The following TERT variants were observed in gnomAD, a reference collection of about 807,000 sequenced individuals.
The protein encoded by TERT is telomerase reverse transcriptase.
In TERT, 42 loss-of-function variants were observed where a neutral mutation model predicts 104.0. The observed-to-expected ratio is 0.40, with a 90% CI of 0.32 to 0.52. The LOEUF (loss-of-function observed/expected upper bound fraction) is 0.52. Among genes scored for constraint, TERT ranks in the 20% least tolerant of loss-of-function variants. TERT has a pLI of 0.43. For missense variants in TERT, 1,101 were observed against 1,610.3 expected, an observed-to-expected ratio of 0.68 and a Z score of 5.41; for synonymous variants, 781 against 725.6, an observed-to-expected ratio of 1.08 and a Z score of -1.23.
intron 2 of TERT, among the ~76,000 whole-genome samples, chr5:1,289,138 A>G (rs1750680305): frequency 6.6e-6 from 1 of 151,564 alleles, no homozygotes. Flanking sequence ...CGCCTCACTC[A>G]CCCTGCACCT....
rs2126562162 is a variant in TERT at position 1,255,265 on chromosome 5, G to A, written c.3157+22C>T. The A allele has an allele frequency of 6.2e-7, 1 of 1,612,262 alleles. No homozygotes were observed. Among genetic ancestry groups the A allele is most frequent in the Non-Finnish European group, 8.5e-7 (1 of 1,179,268 alleles). ...CCAGCAGGCAGGCACTGCTGCCACT[G>A]AGGCCAGGCACCTGCACATACCTGC... is the stretch of plus-strand genomic sequence containing the variant. On this transcript the variant is annotated intron_variant, in intron 14 of 15. Transcript: ENST00000310581. This position sits in a 1 kb window ranked among gnomAD's most constrained non-coding sequence, Gnocchi z 6.9.
At chr5:1,260,002 C>T (rs531034046) in intron 12 of TERT, among the ~76,000 whole-genome samples, 43 of 152,210 alleles carry the variant, frequency 2.8e-4, no homozygotes, top group African/African-American at 2.4e-4. Context: ...GGAGTGGACG[C>T]GGATGCCCAG....
intron 12 of TERT, among the ~76,000 whole-genome samples, chr5:1,259,020 C>T (rs1317796979): frequency 1.5e-5 from 2 of 135,478 alleles, no homozygotes; most frequent in African/African-American, 5.7e-5. Context: ...TAAATGCCCA[C>T]AGGAGAGGGG....
intron 2 of TERT, among the ~76,000 whole-genome samples, chr5:1,284,973 C>A (rs1194532211): frequency 6.8e-6 from 1 of 147,446 alleles, no homozygotes; most frequent in Non-Finnish European, 1.5e-5. Flanking sequence ...ATCCAGACAC[C>A]ACACATCCAG....
At chr5:1,278,383 G>A (rs932643571) in intron 6 of TERT, among the ~76,000 whole-genome samples, 3 of 151,778 alleles carry the variant, frequency 2.0e-5, no homozygotes, top group African/African-American at 2.4e-5. Context: ...GAACATGCAC[G>A]TGTCACAGAC....
chr5:1,259,527 G>A (rs1216870972), intron 12 of TERT, among the ~76,000 whole-genome samples: 8 of 125,792 alleles, frequency 6.4e-5, no homozygotes, highest in Admixed American at 5.6e-4. Flanking sequence ...GCCCACAGGA[G>A]AGAGGGAGCA....
chr5:1,259,503 G>A (rs1190854932), intron 12 of TERT, among the ~76,000 whole-genome samples: 3 of 127,580 alleles, frequency 2.4e-5, no homozygotes, highest in Non-Finnish European at 4.9e-5. Flanking sequence ...CAGGAGGGGG[G>A]AGTGGACACG....
intron 3 of TERT, among the ~76,000 whole-genome samples, chr5:1,282,214 C>A (rs916393761): frequency 6.6e-6 from 1 of 152,216 alleles, no homozygotes; most frequent in Non-Finnish European, 1.5e-5. Flanking sequence ...CCACTTGGCA[C>A]AAACTCCTGA....
At chr5:1,267,952 G>A (rs560270448) in intron 9 of TERT, among the ~76,000 whole-genome samples, 7 of 152,134 alleles carry the variant, frequency 4.6e-5, no homozygotes, top group South Asian at 4.2e-4. Context: ...CCTGCACGTC[G>A]TGCACATGTA....
chr5:1,262,816 A>T lies in TERT; in HGVS notation c.2843+1588T>A, dbSNP rs549236403. Among the ~76,000 whole-genome samples the T allele has an allele frequency of 6.6e-6, 1 of 152,362 alleles. No individual in the cohort carries two copies. The highest frequency in any genetic ancestry group is 2.1e-4 in the South Asian group (1 of 4,832). The stretch of plus-strand genomic sequence containing the variant: ...GAACCAGGGGTGCCTGTCCTAAAAA[A>T]TACATTTCATGGGGAGCAAAATAAG... On this transcript the variant is annotated intron_variant, in intron 11 of 15. Transcript: ENST00000310581. This position sits in a 1 kb window ranked among gnomAD's most constrained non-coding sequence, Gnocchi z 5.6.
At position 1,293,962 on chromosome 5, in the gene TERT, TG is replaced by T; in HGVS notation, c.923del (p.Pro308HisfsTer43). The T allele has an allele frequency of 6.4e-7, 1 of 1,555,094 alleles. No individual in the cohort carries two copies. The highest frequency in any genetic ancestry group is 8.7e-7 in the Non-Finnish European group (1 of 1,153,254). Reference sequence around the variant, plus strand: ...AGGGACGTGGTGGCCGCGATGTGGATGGGGGGCCCGCGTGGTGCTGGCGGCC... The same window carrying T: ...AGGGACGTGGTGGCCGCGATGTGGATGGGGGCCCGCGTGGTGCTGGCGGCC... ...SVGRQHHAGP[P>X]STSRPPRPWD... On this transcript the variant is annotated frameshift_variant, in exon 2 of 16. Transcript: ENST00000310581. LOFTEE classifies it high-confidence loss of function.
chr5:1,275,428 C>T (rs1426895412), intron 6 of TERT, among the ~76,000 whole-genome samples: 2 of 151,656 alleles, frequency 1.3e-5, no homozygotes. Context: ...CTCCAACTCG[C>T]AGGGGAATTC....
In TERT at chr5:1,292,120, TAAAAAGAA is replaced by T. The variant is rs923554244; in HGVS notation, c.1573+1185_1573+1192del. ...TCATGTTATATGACTTTTGCCACCA[TAAAAAGAA>T]AAAAAGAAAAAAAAGAGCCCCAAGA... On this transcript the variant is annotated intron_variant, in intron 2 of 15. Transcript: ENST00000310581. This position sits in a 1 kb window ranked among gnomAD's most constrained non-coding sequence, Gnocchi z 5.5. 7.9e-5 allele frequency among the ~76,000 whole-genome samples: 12 copies of T among 151,486 alleles called. No individual in the cohort carries two copies. The South Asian group carries it at 1.5e-3, about 19-fold the overall frequency.
chr5:1,253,960 T>G, intron 15 of TERT, 129 bp from the exon 16 acceptor site: 1 of 1,017,386 alleles, frequency 9.8e-7, no homozygotes, highest in Non-Finnish European at 1.5e-6. Flanking sequence ...GGAACCTCAG[T>G]GAAGGGACAG....
rs11291391 is a variant in TERT at position 1,287,497 on chromosome 5, CAA to C, written c.1574-4875_1574-4874del. On this transcript the variant is annotated intron_variant, in intron 2 of 15. Coordinates refer to ENST00000310581, the MANE Select transcript of TERT (RefSeq NM_198253.3). The surrounding 1 kb of genome is among the most constrained non-coding windows in gnomAD (Gnocchi z 4.3). ...TGGGCGACAGACCAAGACTCTGTCT[CAA>C]AAAAAAAAAATATATATATATATAT... Among the ~76,000 whole-genome samples, 5,042 of 136,038 alleles carry C rather than the reference CAA, an allele frequency of 0.037. 311 individuals carry two copies. The highest frequency in any genetic ancestry group is 0.13 in the African/African-American group (4,750 of 36,140). 89.2% of individuals were successfully genotyped at this position (136,038 alleles called of 152,430 possible).
At chr5:1,282,680 C>T in intron 2 of TERT, 56 bp from the exon 3 acceptor site, 1 of 1,580,898 alleles carries the variant, frequency 6.3e-7, no homozygotes, top group East Asian at 2.3e-5. Flanking sequence ...TGACCTCACC[C>T]CGGACCTGCA....
chr5:1,284,887 CTCCAGACCTGCACCA>C (rs1750370534), intron 2 of TERT, among the ~76,000 whole-genome samples: 1 of 148,974 alleles, frequency 6.7e-6, no homozygotes, highest in African/African-American at 2.5e-5. Context: ...GGCGACCTCA[CTCCAGACCTGCACCA>C]TCCAGACACC....
intron 6 of TERT, among the ~76,000 whole-genome samples, chr5:1,276,033 C>A (rs1301582804): frequency 7.3e-6 from 1 of 136,340 alleles, no homozygotes; most frequent in Non-Finnish European, 1.6e-5. Context: ...ACCAATCCCA[C>A]AGATCCCCAC....
intron 3 of TERT, among the ~76,000 whole-genome samples, chr5:1,280,578 G>A (rs771427234): frequency 1.3e-5 from 2 of 152,132 alleles, no homozygotes; most frequent in Non-Finnish European, 2.9e-5. Flanking sequence ...CGCCCAGTCC[G>A]GCGGTCAACC....
Sources: gnomAD v4.1 joint callset for allele counts (sites outside exome capture counted in the v4.1 genomes callset) on GRCh38, gnomAD v4.1.1 for gene constraint, Gnocchi (gnomAD v3.1) non-coding constraint, MANE v1.5 for transcripts, NCBI Gene and HGNC (gene_info 2026-07-23, HGNC 2026-07-21) for gene names.